The following ITGB8 variants were observed in gnomAD, a reference collection of about 807,000 sequenced individuals.
The protein encoded by ITGB8 is integrin subunit beta 8.
ITGB8 carries 30 observed loss-of-function variants against 89.5 expected under a neutral mutation model. The ratio of observed to expected loss-of-function variants is 0.34; its 90% CI spans 0.25 to 0.45. ITGB8 has a LOEUF of 0.45. ITGB8 is among the 20% of genes least tolerant of loss of function. The probability of loss-of-function intolerance (pLI) is 1.00; values close to 1 mark genes in which losing one functional copy is unlikely to be tolerated. For missense variants in ITGB8, 836 were observed against 933.3 expected, an observed-to-expected ratio of 0.90 and a Z score of 1.36; for synonymous variants, 335 against 320.4, an observed-to-expected ratio of 1.05 and a Z score of -0.49.
At chr7:20,389,612 G>A (rs1029099779) in intron 6 of ITGB8, among the ~76,000 whole-genome samples, 2 of 152,148 alleles carry the variant, frequency 1.3e-5, no homozygotes, top group Non-Finnish European at 2.9e-5. Flanking sequence ...CAAAAATTAA[G>A]AAGGGTGAAT....
chr7:20,408,889 T>A (rs993724820), intron 12 of ITGB8, among the ~76,000 whole-genome samples: 4 of 152,152 alleles, frequency 2.6e-5, no homozygotes, highest in Non-Finnish European at 5.9e-5. Flanking sequence ...CTAAGCATTA[T>A]TTATTCTTAA....
At chr7:20,387,204 AC>A (rs1452082419) in intron 6 of ITGB8, among the ~76,000 whole-genome samples, 4 of 152,214 alleles carry the variant, frequency 2.6e-5, no homozygotes, top group Non-Finnish European at 5.9e-5. Context: ...ATATTGCTTT[AC>A]TTCTACTTTA....
chr7:20,385,228 G>C (rs747138337), intron 6 of ITGB8, among the ~76,000 whole-genome samples: 8 of 152,170 alleles, frequency 5.3e-5, no homozygotes, highest in Non-Finnish European at 7.3e-5. Flanking sequence ...AGTATGTGGA[G>C]GTCATCCAAT....
chr7:20,332,064 G>C (rs1049459163), intron 1 of ITGB8, 131 bp downstream of exon 1: 3 of 1,458,494 alleles, frequency 2.1e-6, no homozygotes, highest in Non-Finnish European at 2.7e-6. Flanking sequence ...GGGCGGGTGC[G>C]GGGCAGCGTC....
At chr7:20,396,662 C>T (rs1051608537) in intron 8 of ITGB8, among the ~76,000 whole-genome samples, 2 of 152,170 alleles carry the variant, frequency 1.3e-5, no homozygotes, top group African/African-American at 4.8e-5. Flanking sequence ...TCATTCCCAT[C>T]AGTAGTCTGT....
Position 20,414,379 on chromosome 7 carries a change from C to A in ITGB8, c.*4382C>A, listed in dbSNP as rs1012302515. Reference sequence around the variant, plus strand: ...CGTGAGTGCGAATGATTTCAGCAAACCCTAACTTAACTAACAAGAATGGGT... The same window carrying A: ...CGTGAGTGCGAATGATTTCAGCAAAACCTAACTTAACTAACAAGAATGGGT... On this transcript the variant is annotated 3_prime_UTR_variant, in exon 14 of 14. Transcript: ENST00000222573. 1 of 152,288 alleles carries A rather than the reference C, an allele frequency of 6.6e-6. No homozygotes were observed. The highest frequency in any genetic ancestry group is 1.5e-5 in the Non-Finnish European group (1 of 67,980). 9.4% of individuals were successfully genotyped at this position (152,288 alleles called of 1,614,324 possible).
chr7:20,353,517 G>T (rs1332246661), intron 1 of ITGB8, among the ~76,000 whole-genome samples: 1 of 152,126 alleles, frequency 6.6e-6, no homozygotes, highest in African/African-American at 2.4e-5. Context: ...TGAATTTGGT[G>T]ATCTTGTACC....
rs1277142852 is a variant in ITGB8, at chr7:20,331,240, G to A, written c.-567G>A. ...ACGGGGCTGCAAAGCTGCAACTAAT[G>A]GTGTTGGCCTCCCTGCCCACCTGTG... On this transcript the variant is annotated 5_prime_UTR_variant, in exon 1 of 14. It removes an upstream start codon present in the reference 5' UTR. Transcript: ENST00000222573. 7.7e-6 allele frequency: 2 copies of A among 260,534 alleles called. No homozygotes were observed. The highest frequency in any genetic ancestry group is 7.0e-5 in the East Asian group (1 of 14,384). The allele number at this position is 260,534 out of a possible 1,614,324, so 16.1% of individuals were successfully genotyped here. A position where few individuals can be genotyped will look rare whatever the true frequency, so the allele number is the denominator to read the frequency against.
At position 20,415,418 on chromosome 7, in the gene ITGB8, TAAGA is replaced by T; in HGVS notation, c.*5427_*5430del. On this transcript the variant is annotated 3_prime_UTR_variant, in exon 14 of 14. Coordinates refer to ENST00000222573, the MANE Select transcript of ITGB8 (RefSeq NM_002214.3). ...TAAATATTTGAATATAAAATAGCTC[TAAGA>T]AAGAAGCAAATTATCACTGAACATA... The T allele has an allele frequency of 6.6e-6, 1 of 152,452 alleles. No homozygotes were observed. Among genetic ancestry groups the T allele is most frequent in the Non-Finnish European group, 1.5e-5 (1 of 67,880 alleles). The allele number at this position is 152,452 out of a possible 1,614,324, so 9.4% of individuals were successfully genotyped here. A position where few individuals can be genotyped will look rare whatever the true frequency, so the allele number is the denominator to read the frequency against.
intron 1 of ITGB8, among the ~76,000 whole-genome samples, chr7:20,353,789 A>G (rs1015533183): frequency 6.6e-6 from 1 of 150,746 alleles, no homozygotes; most frequent in African/African-American, 2.5e-5. Context: ...AAAATTAGCC[A>G]GGCGTGGTGG....
At chr7:20,390,704 A>C (rs1266981250) in intron 6 of ITGB8, among the ~76,000 whole-genome samples, 2 of 152,144 alleles carry the variant, frequency 1.3e-5, no homozygotes, top group Non-Finnish European at 2.9e-5. Flanking sequence ...CACTTACTGC[A>C]TGCAAGAAAA....
chr7:20,372,405 G>A (rs1191591749), intron 3 of ITGB8, among the ~76,000 whole-genome samples: 1 of 152,168 alleles, frequency 6.6e-6, no homozygotes, highest in Admixed American at 6.5e-5. Flanking sequence ...ATGGAGAGGT[G>A]GAATCCACAG....
chr7:20,370,354 A>G (rs1455639915), intron 3 of ITGB8, among the ~76,000 whole-genome samples: 1 of 151,606 alleles, frequency 6.6e-6, no homozygotes, highest in Non-Finnish European at 1.5e-5. Context: ...TTCTAGGAAA[A>G]TATGTCTAAA....
intron 1 of ITGB8, among the ~76,000 whole-genome samples, chr7:20,354,521 T>A (rs949328789): frequency 1.3e-5 from 2 of 152,176 alleles, no homozygotes; most frequent in African/African-American, 4.8e-5. Context: ...AAGCTTTCCT[T>A]TCACATCAGA....
chr7:20,349,704 T>G (rs1785048425), intron 1 of ITGB8, among the ~76,000 whole-genome samples: 1 of 152,118 alleles, frequency 6.6e-6, no homozygotes, highest in South Asian at 2.1e-4. Context: ...AACAACAAAA[T>G]AAAAACATAA....
chr7:20,345,770 G>T (rs1472312840), intron 1 of ITGB8, among the ~76,000 whole-genome samples: 2 of 152,144 alleles, frequency 1.3e-5, no homozygotes, highest in Non-Finnish European at 2.9e-5. Context: ...TAGAGAAGTT[G>T]CAGTTACTGG....
At chr7:20,344,682 G>A (rs1418535728) in intron 1 of ITGB8, among the ~76,000 whole-genome samples, 4 of 152,220 alleles carry the variant, frequency 2.6e-5, no homozygotes, top group African/African-American at 7.2e-5. Flanking sequence ...GCAGGACAAA[G>A]CTTCCCCAGG....
intron 1 of ITGB8, among the ~76,000 whole-genome samples, chr7:20,347,877 G>C (rs1784982033): frequency 6.6e-6 from 1 of 152,214 alleles, no homozygotes; most frequent in Non-Finnish European, 1.5e-5. Context: ...ATAACAAGGG[G>C]AGTTGCTTGA....
Position 20,409,878 on chromosome 7 carries a change from A to T in ITGB8, c.2191A>T (p.Lys731Ter). 6.2e-7 allele frequency: 1 copy of T among 1,613,262 alleles called. No individual in the cohort carries two copies. Among genetic ancestry groups the T allele is most frequent in the Non-Finnish European group, 8.5e-7 (1 of 1,179,634 alleles). ...ATAATATTTCTTCTCTATTAAGGAT[A>T]AGTTGATTCTGCAAAGTGTTTGCAC... ...DYRVSASKKDKLILQSVCTRA... is the reference protein window; with the variant it reads ...DYRVSASKKD Residue 731 changes from lysine to a stop codon, truncating the protein, a stop_gained, in exon 14 of 14, where the codon AAG becomes TAG. Transcript: ENST00000222573. LOFTEE classifies it high-confidence loss of function.
Sources: allele counts gnomAD v4.1 joint callset (sites outside exome capture counted in the v4.1 genomes callset), GRCh38; gene constraint gnomAD v4.1.1; transcripts MANE v1.5; gene names NCBI Gene and HGNC (gene_info 2026-07-23, HGNC 2026-07-21).